PTPRN2: variants seen among roughly 807,000 people sequenced by gnomAD.
PTPRN2 encodes protein tyrosine phosphatase receptor type N2, also known as receptor-type tyrosine-protein phosphatase N2.
PTPRN2 carries 74 observed loss-of-function variants against 118.8 expected under a neutral mutation model. The ratio of observed to expected loss-of-function variants is 0.62; its 90% confidence interval spans 0.52 to 0.76. The LOEUF is 0.76. PTPRN2 is among the 30% of genes least tolerant of loss of function. The pLI, the probability that PTPRN2 is intolerant of heterozygous loss-of-function variation, is 0.00. For synonymous variants in PTPRN2, 641 were observed against 608.0 expected (o/e 1.05, Z -0.80); for missense variants, 1,481 against 1,394.4 (o/e 1.06, Z -0.99).
chr7:157,719,004 C>T (rs1799089552), intron 12 of PTPRN2, among the ~76,000 whole-genome samples: 1 of 81,258 alleles, frequency 1.2e-5, no homozygotes, highest in East Asian at 3.5e-4. Context: ...TGGACCTCTC[C>T]CTCCTGCAGG....
intron 2 of PTPRN2, among the ~76,000 whole-genome samples, chr7:158,442,034 ATGG>A (rs1251694560): frequency 1.7e-5 from 2 of 120,640 alleles, no homozygotes; most frequent in African/African-American, 6.3e-5. Context: ...GGTGATAGTG[ATGG>A]TGGTGACAGT....
Position 158,289,860 on chromosome 7 carries a change from G to A in PTPRN2, c.277+26959C>T, listed in dbSNP as rs79135038. On this transcript the variant is annotated intron_variant, in intron 3 of 22. Coordinates refer to ENST00000389418, the MANE Select transcript of PTPRN2 (RefSeq NM_002847.5). The stretch of plus-strand genomic sequence containing the variant: ...ATCAATAAGCCCATGCAGATTCTGG[G>A]CGTCATCTGGCATGCTCCATAGGTA... Among the ~76,000 whole-genome samples the A allele has an allele frequency of 7.6e-3, 1,161 of 152,270 alleles. 19 individuals are homozygous for A. The highest frequency in any genetic ancestry group is 0.026 in the African/African-American group (1,078 of 41,548).
At position 158,401,497 on chromosome 7, in the gene PTPRN2, G is replaced by T. The variant is rs1489861850; in HGVS notation, c.164-84565C>A. Among the ~76,000 whole-genome samples the T allele has an allele frequency of 1.3e-5, 2 of 152,222 alleles. 1 individual carries two copies. The stretch of plus-strand genomic sequence containing the variant: ...CCAAGACACGATGGACCCCAAGGGA[G>T]CAGCGTGGAGGCAGAGAGACCCTGG... On this transcript the variant is annotated intron_variant, in intron 2 of 22. Coordinates refer to ENST00000389418, the MANE Select transcript of PTPRN2 (RefSeq NM_002847.5).
intron 11 of PTPRN2, among the ~76,000 whole-genome samples, chr7:157,946,387 A>T (rs1287867859): frequency 2.0e-5 from 3 of 152,222 alleles, no homozygotes; most frequent in African/African-American, 7.2e-5. Context: ...GAATGAAATC[A>T]CTGAGGCCAA....
chr7:157,800,194 G>C (rs1805172189), intron 12 of PTPRN2, among the ~76,000 whole-genome samples: 2 of 152,136 alleles, frequency 1.3e-5, no homozygotes, highest in Non-Finnish European at 1.5e-5. Context: ...CCATCCCTCA[G>C]AGGCACCACA....
chr7:158,326,138 C>T (rs1358723456), intron 2 of PTPRN2, among the ~76,000 whole-genome samples: 1 of 152,224 alleles, frequency 6.6e-6, no homozygotes, highest in African/African-American at 2.4e-5. Flanking sequence ...GGAGGGAGCA[C>T]AGCCGCCTCT....
chr7:158,540,213 G>A (rs1056009813), intron 1 of PTPRN2, among the ~76,000 whole-genome samples: 2 of 152,222 alleles, frequency 1.3e-5, no homozygotes, highest in Non-Finnish European at 2.9e-5. Flanking sequence ...TCTTGTCTCT[G>A]CAGCCGGGGG....
chr7:157,768,242 T>TG (rs1159875733), intron 12 of PTPRN2, among the ~76,000 whole-genome samples: 27 of 152,228 alleles, frequency 1.8e-4, no homozygotes, highest in Admixed American at 1.5e-3. Context: ...GCACAGGAGA[T>TG]GCAGAGAGAG....
At chr7:158,319,476 G>GCCTCCCTAACACA (rs1563131407) in intron 2 of PTPRN2, among the ~76,000 whole-genome samples, 1 of 35,610 alleles carries the variant, frequency 2.8e-5, no homozygotes, top group Non-Finnish European at 5.0e-5. Flanking sequence ...TCACACACAA[G>GCCTCCCTAACACA]CACAGCCTCC....
chr7:157,879,646 G>C (rs550201303), intron 12 of PTPRN2, among the ~76,000 whole-genome samples: 18 of 151,866 alleles, frequency 1.2e-4, no homozygotes, highest in African/African-American at 4.1e-4. Context: ...ATTAAACTCT[G>C]AGGATGCTGA....
intron 11 of PTPRN2, among the ~76,000 whole-genome samples, chr7:157,992,533 CA>C (rs1358867073): frequency 1.3e-5 from 2 of 152,244 alleles, no homozygotes; most frequent in Non-Finnish European, 2.9e-5. Flanking sequence ...GTTTTAATAA[CA>C]CATTAGAATA....
At position 157,540,727 on chromosome 7, in the gene PTPRN2, G is replaced by A; in HGVS notation, c.3035C>T (p.Ala1012Val). Reference sequence around the variant, plus strand: ...TGAGGCTGCCGCTCACTGGGGAAGGGCCTTGAGGATGGCGTTCACCTCCTC... The same window carrying A: ...TGAGGCTGCCGCTCACTGGGGAAGGACCTTGAGGATGGCGTTCACCTCCTC... ...VAEEVNAILK[A>V]LPQ Residue 1012 changes from alanine (A) to valine (V), a missense_variant, in exon 23 of 23, where the codon GCC (alanine) becomes GTC (valine). Ala to Val is a moderately conservative substitution (Grantham distance 64). Around this residue, in one of 3 missense-constraint regions of PTPRN2, gnomAD observed 362 missense variants for 384.1 expected, o/e 0.94. Transcript: ENST00000389418. The A allele has an allele frequency of 6.4e-7, 1 of 1,565,478 alleles. No individual in the cohort carries two copies.
intron 11 of PTPRN2, among the ~76,000 whole-genome samples, chr7:158,033,497 C>T (rs776004317): frequency 2.0e-5 from 3 of 152,010 alleles, no homozygotes; most frequent in African/African-American, 4.8e-5. Context: ...GGTGACAGGA[C>T]GGGGGCTGTC....
chr7:157,716,093 G>A (rs1638763), intron 12 of PTPRN2, among the ~76,000 whole-genome samples: 14,173 of 152,310 alleles, frequency 0.093, 905 homozygotes, highest in Admixed American at 0.2. Context: ...ATCAGCTCCC[G>A]GGCCATCCCT....
At chr7:157,943,659 C>T (rs1344040265) in intron 11 of PTPRN2, among the ~76,000 whole-genome samples, 1 of 151,872 alleles carries the variant, frequency 6.6e-6, no homozygotes, top group African/African-American at 2.4e-5. Context: ...CCCCCCACCC[C>T]CAGGATACTG....
chr7:158,150,258 T>C (rs1449599767), intron 6 of PTPRN2, among the ~76,000 whole-genome samples: 1 of 152,200 alleles, frequency 6.6e-6, no homozygotes. Flanking sequence ...TCATGAGAGA[T>C]TTTTAAACAA....
Position 158,131,416 on chromosome 7 carries a change from C to G in PTPRN2, c.1556+2261G>C, listed in dbSNP as rs372224059. 6.4e-3 allele frequency among the ~76,000 whole-genome samples: 538 copies of G among 84,426 alleles called. 6 individuals carry two copies. Among genetic ancestry groups the G allele is most frequent in the African/African-American group, 0.034 (523 of 15,340 alleles). The allele number at this position is 84,426 out of a possible 152,430, so 55.4% of individuals were successfully genotyped here. On this transcript the variant is annotated intron_variant, in intron 9 of 22. Coordinates refer to ENST00000389418, the MANE Select transcript of PTPRN2 (RefSeq NM_002847.5). ...CACGTATATACAAACCAATACACAT[C>G]TACCCAACACACACACGAACATACA...
intron 3 of PTPRN2, among the ~76,000 whole-genome samples, chr7:158,258,708 C>T (rs11980157): frequency 0.047 from 7,153 of 152,266 alleles, 195 homozygotes; most frequent in East Asian, 0.11. Context: ...AACCACCAGC[C>T]GTTGGCTCTG....
chr7:158,466,234 C>T lies in PTPRN2; in HGVS notation c.163+23501G>A, dbSNP rs566058496. 3.3e-5 allele frequency among the ~76,000 whole-genome samples: 5 copies of T among 152,284 alleles called. No individual in the cohort carries two copies. In the South Asian group the frequency reaches 6.2e-4, roughly 19 times the overall value. On this transcript the variant is annotated intron_variant, in intron 2 of 22. Transcript: ENST00000389418. The stretch of plus-strand genomic sequence containing the variant: ...ATGTTGTTACTACATACAGTCCTCA[C>T]GCTGTGCATTAGGCCCCTGGGCTCA...
Sources: gnomAD v4.1 joint callset for allele counts (sites outside exome capture counted in the v4.1 genomes callset) on GRCh38, gnomAD v4.1.1 for gene constraint, gnomAD v4.1.1 regional missense constraint, MANE v1.5 for transcripts, NCBI Gene and HGNC (gene_info 2026-07-23, HGNC 2026-07-21) for gene names.